Variants in KIAA0319 observed in about 807,000 individuals in gnomAD.
KIAA0319 encodes dyslexia-associated protein KIAA0319.
KIAA0319 carries 83 observed loss-of-function variants against 108.4 expected under a neutral mutation model. That is an observed-to-expected ratio of 0.77 (90% CI 0.64 to 0.92). KIAA0319 has a LOEUF of 0.92. Among genes scored for constraint, KIAA0319 ranks in the 40% least tolerant of loss-of-function variants. The pLI is 0.00. For synonymous variants in KIAA0319, 484 were observed against 510.4 expected (o/e 0.95, Z 0.70); for missense variants, 1,195 against 1,322.4 (o/e 0.90, Z 1.49).
chr6:24,601,733 A>G lies in KIAA0319; in HGVS notation c.-105-525T>C, dbSNP rs910188692. Among the ~76,000 whole-genome samples the G allele has an allele frequency of 6.6e-5, 10 of 152,190 alleles. 1 individual carries two copies. Among genetic ancestry groups the G allele is most frequent in the Non-Finnish European group, 1.0e-4 (7 of 68,018 alleles). On this transcript the variant is annotated intron_variant, in intron 1 of 20. Transcript: ENST00000378214. ...AGAAGGGATAAAAATTAAGGAAGCC[A>G]TTAGTTATTAATCAAGTCCTGGTCA... is the stretch of plus-strand genomic sequence containing the variant.
At position 24,576,455 on chromosome 6, in the gene KIAA0319, A is replaced by G. The variant is rs185594448; in HGVS notation, c.1647T>C (p.Asn549=). 1.2e-6 allele frequency: 2 copies of G among 1,614,162 alleles called. No individual in the cohort carries two copies. The highest frequency in any genetic ancestry group is 1.7e-5 in the Admixed American group (1 of 60,016). The change falls in exon 10 of 21, where the codon AAT becomes AAC. Residue 549 remains asparagine, a synonymous_variant. Transcript: ENST00000378214. ...ITLPQNSITL[N]GNQSSDDHQI... ...GGTGATCGTCACTGCTCTGGTTTCC[A>G]TTCAAAGTGATGGAGTTTTGGGGCA...
chr6:24,587,253 C>G (rs1002403841), intron 4 of KIAA0319, among the ~76,000 whole-genome samples: 1 of 151,858 alleles, frequency 6.6e-6, no homozygotes, highest in East Asian at 1.9e-4. Context: ...TGCCTCTAGT[C>G]AACTCCACAC....
At chr6:24,642,200 GAGAA>G (rs1390082866) in intron 1 of KIAA0319, among the ~76,000 whole-genome samples, 1 of 139,956 alleles carries the variant, frequency 7.1e-6, no homozygotes, top group African/African-American at 2.7e-5. Context: ...GAGAAAGAAA[GAGAA>G]AGAAGGAAAG....
At chr6:24,644,829 T>C (rs575150473) in intron 1 of KIAA0319, among the ~76,000 whole-genome samples, 1 of 152,238 alleles carries the variant, frequency 6.6e-6, no homozygotes, top group Non-Finnish European at 1.5e-5. Flanking sequence ...TTAGGTAATA[T>C]GTTTACATTT....
rs375441945 is a variant in KIAA0319 at position 24,581,032 on chromosome 6, T to C, written c.1192-19A>G. On this transcript the variant is annotated intron_variant, in intron 6 of 20. Transcript: ENST00000378214. Reference sequence around the variant, plus strand: ...CGGACAACTGTAACATAAAGAAAAGTTGTACAGTTCAACATGCAAGACGTG... The same window carrying C: ...CGGACAACTGTAACATAAAGAAAAGCTGTACAGTTCAACATGCAAGACGTG... The C allele has an allele frequency of 6.5e-7, 1 of 1,532,458 alleles. No individual in the cohort carries two copies. Among genetic ancestry groups the C allele is most frequent in the African/African-American group, 1.4e-5 (1 of 73,134 alleles). The allele number at this position is 1,532,458 out of a possible 1,614,324, so 94.9% of individuals were successfully genotyped here.
chr6:24,585,030 A>G (rs1156776985), intron 4 of KIAA0319, among the ~76,000 whole-genome samples: 1 of 152,194 alleles, frequency 6.6e-6, no homozygotes, highest in Non-Finnish European at 1.5e-5. Context: ...TCCAAAATAC[A>G]TGGCCCACAG....
chr6:24,603,903 C>T (rs1012959180), intron 1 of KIAA0319, among the ~76,000 whole-genome samples: 2 of 152,108 alleles, frequency 1.3e-5, no homozygotes, highest in Admixed American at 6.5e-5. Flanking sequence ...TCGACCACAC[C>T]GAGCACAGCT....
intron 15 of KIAA0319, among the ~76,000 whole-genome samples, chr6:24,563,724 A>AT (rs1763425769): frequency 1.3e-5 from 2 of 151,984 alleles, no homozygotes; most frequent in Non-Finnish European, 2.9e-5. Flanking sequence ...GTTGTTTATA[A>AT]TTTTTTTTCC....
chr6:24,553,502 T>G (rs1373700122), intron 19 of KIAA0319, among the ~76,000 whole-genome samples: 1 of 151,536 alleles, frequency 6.6e-6, no homozygotes, highest in Non-Finnish European at 1.5e-5. Flanking sequence ...CTTTTTATTC[T>G]CCCCAAAGCA....
chr6:24,610,446 T>C (rs564800997), intron 1 of KIAA0319, among the ~76,000 whole-genome samples: 1 of 152,310 alleles, frequency 6.6e-6, no homozygotes. Flanking sequence ...TTGTCAAGCA[T>C]GTGAGAAATT....
At chr6:24,553,290 T>TAC (rs1286709525) in intron 19 of KIAA0319, among the ~76,000 whole-genome samples, 8 of 80,650 alleles carry the variant, frequency 9.9e-5, no homozygotes, top group African/African-American at 2.2e-4. Flanking sequence ...TATATATATA[T>TAC]ATATACACAC....
chr6:24,615,834 C>T (rs933203353), intron 1 of KIAA0319, among the ~76,000 whole-genome samples: 33 of 152,304 alleles, frequency 2.2e-4, no homozygotes, highest in African/African-American at 7.9e-4. Context: ...TCACCTCCTA[C>T]CATGCTGCAC....
At chr6:24,606,098 C>T (rs1771363394) in intron 1 of KIAA0319, among the ~76,000 whole-genome samples, 1 of 152,134 alleles carries the variant, frequency 6.6e-6, no homozygotes, top group South Asian at 2.1e-4. Flanking sequence ...CCATGCCTGG[C>T]TAACTTTTGT....
chr6:24,600,926 C>A, intron 2 of KIAA0319, 123 bp downstream of exon 2: 2 of 1,293,040 alleles, frequency 1.5e-6, no homozygotes, highest in Non-Finnish European at 2.2e-6. Context: ...ATGCTTTCAC[C>A]TGTAAAATAA....
At chr6:24,565,752 C>CAAAAAAAAAAAAAAAA (rs71542686) in intron 14 of KIAA0319, among the ~76,000 whole-genome samples, 1 of 62,714 alleles carries the variant, frequency 1.6e-5, no homozygotes, top group African/African-American at 5.9e-5. Flanking sequence ...GACTCCATCT[C>CAAAAAAAAAAAAAAAA]AAAAAAAAAA....
At chr6:24,566,538 G>GCTGA in intron 14 of KIAA0319, 59 bp downstream of exon 14, 1 of 1,443,518 alleles carries the variant, frequency 6.9e-7, no homozygotes, top group South Asian at 1.4e-5. Context: ...TGCAGCCCAA[G>GCTGA]CTGACTAATG....
chr6:24,559,109 G>C lies in KIAA0319; in HGVS notation c.2638C>G (p.Leu880Val), dbSNP rs1295346788. The C allele has an allele frequency of 1.2e-6, 2 of 1,613,626 alleles. No homozygotes were observed. Among genetic ancestry groups the C allele is most frequent in the African/African-American group, 2.7e-5 (2 of 74,868 alleles). ...YVQSRPPFKV[L>V]KAAEVARNLH... Reference sequence around the variant, plus strand: ...TTTCGGGCCACTTCAGCAGCTTTGAGAACCTTGAAAGGCGGCCTGCTCTGT... The same window carrying C: ...TTTCGGGCCACTTCAGCAGCTTTGACAACCTTGAAAGGCGGCCTGCTCTGT... Residue 880 changes from leucine (L) to valine (V), a missense_variant, in exon 17 of 21, where the codon CTC becomes GTC. Leu to Val is a conservative substitution (Grantham distance 32). Coordinates refer to ENST00000378214, the MANE Select transcript of KIAA0319 (RefSeq NM_014809.4).
Position 24,599,999 on chromosome 6 carries a change from A to C in KIAA0319, c.55+1050T>G, listed in dbSNP as rs1180249675. Among the ~76,000 whole-genome samples, 1 of 149,988 alleles carries C rather than the reference A, an allele frequency of 6.7e-6. No homozygotes were observed. ...AAAACAATTCAATTGGTTTTTTTCC[A>C]AAATAAACCCTCAGCTAGTTCTGCC... On this transcript the variant is annotated intron_variant, in intron 2 of 20. Coordinates refer to ENST00000378214, the MANE Select transcript of KIAA0319 (RefSeq NM_014809.4). The surrounding 1 kb of genome is among the most constrained non-coding windows in gnomAD (Gnocchi z 4.1).
At chr6:24,600,794 T>C (rs2127533958) in intron 2 of KIAA0319, 1 of 784,044 alleles carries the variant, frequency 1.3e-6, no homozygotes, top group Non-Finnish European at 2.0e-6. Context: ...TTTCAATATA[T>C]AAACATAAAG....
Sources: gnomAD v4.1 joint callset for allele counts (sites outside exome capture counted in the v4.1 genomes callset) on GRCh38, gnomAD v4.1.1 for gene constraint, Gnocchi (gnomAD v3.1) non-coding constraint, MANE v1.5 for transcripts, NCBI Gene and HGNC (gene_info 2026-07-23, HGNC 2026-07-21) for gene names.